Variants in GAB3 observed in about 807,000 individuals in gnomAD.
GAB3 encodes GRB2 associated binding protein 3, also known as GRB2-associated-binding protein 3.
GAB3 carries 12 observed loss-of-function variants against 40.4 expected under a neutral mutation model. The ratio of observed to expected loss-of-function variants is 0.30; its 90% CI spans 0.19 to 0.48. The LOEUF (loss-of-function observed/expected upper bound fraction) is 0.48. GAB3 is among the 20% of genes least tolerant of loss of function. The pLI, the probability that GAB3 is intolerant of heterozygous loss-of-function variation, is 0.99. For synonymous variants in GAB3, 154 were observed against 176.7 expected, an observed-to-expected ratio of 0.87 and a Z score of 1.02; for missense variants, 381 against 461.9, an observed-to-expected ratio of 0.82 and a Z score of 1.61.
At chrX:154,688,292 T>C (rs1557248364) in intron 8 of GAB3, among the ~76,000 whole-genome samples, 1 of 109,247 alleles carries the variant, frequency 9.2e-6, no homozygotes, top group Non-Finnish European at 1.9e-5. Flanking sequence ...TTTGTTTTTT[T>C]TTTTTGAGAC....
Position 154,676,467 on chromosome X carries a change from G to A in GAB3, c.*1711C>T, listed in dbSNP as rs2070298730. On this transcript the variant is annotated 3_prime_UTR_variant, in exon 10 of 10. Coordinates refer to ENST00000424127, the MANE Select transcript of GAB3 (RefSeq NM_001081573.3). ...ATGCAGAGCTGGCTGTGGGGCTTAG[G>A]GAGTGGGGAGCCCTCTCCTTGCTCT... 9.0e-6 allele frequency: 1 copy of A among 111,284 alleles called. No homozygotes were observed. The highest frequency in any genetic ancestry group is 3.8e-4 in the South Asian group (1 of 2,622). The allele number at this position is 111,284 out of a possible 1,213,427, so 9.2% of individuals were successfully genotyped here.
At position 154,705,488 on chromosome X, in the gene GAB3, T is replaced by C. The variant is rs2070794489; in HGVS notation, c.1070-5429A>G. ...TCAACAGAATCAAGGATAAAAACCA[T>C]ATGATCATCTCAATAGATGCATAAA... is the stretch of plus-strand genomic sequence containing the variant. On this transcript the variant is annotated intron_variant, in intron 4 of 9. Transcript: ENST00000424127. Among the ~76,000 whole-genome samples, 3 of 111,506 alleles carry C rather than the reference T, an allele frequency of 2.7e-5. 1 individual carries two copies. In the Admixed American group the frequency reaches 2.8e-4, roughly 11 times the overall value.
chrX:154,691,157 C>G (rs1197161490), intron 8 of GAB3, among the ~76,000 whole-genome samples: 1 of 106,679 alleles, frequency 9.4e-6, no homozygotes, highest in Non-Finnish European at 1.9e-5. Context: ...TCTCAGTAAA[C>G]TATCGCAAGG....
At chrX:154,747,000 T>G (rs1271938188) in intron 1 of GAB3, among the ~76,000 whole-genome samples, 1 of 112,257 alleles carries the variant, frequency 8.9e-6, no homozygotes, top group Non-Finnish European at 1.9e-5. Context: ...TAGATCTACA[T>G]GGATATGGTA....
intron 1 of GAB3, among the ~76,000 whole-genome samples, chrX:154,746,052 C>CAAA (rs201582710): frequency 3.2e-5 from 1 of 31,519 alleles, no homozygotes; most frequent in Non-Finnish European, 6.1e-5. Flanking sequence ...AACTCCATCT[C>CAAA]AAAAAAAAAA....
intron 4 of GAB3, among the ~76,000 whole-genome samples, chrX:154,703,127 C>T (rs952201493): frequency 8.9e-6 from 1 of 112,115 alleles, no homozygotes; most frequent in Non-Finnish European, 1.9e-5. Context: ...AAATACCACT[C>T]AACCCAGCAG....
rs1557246517 is a variant in GAB3, at chrX:154,680,217, C to A, written c.1562G>T (p.Ser521Ile). 8.3e-7 allele frequency: 1 copy of A among 1,208,438 alleles called. No homozygotes were observed. Among genetic ancestry groups the A allele is most frequent in the South Asian group, 1.8e-5 (1 of 56,681 alleles). Reference sequence around the variant, plus strand: ...TTTCTTTGTCCACGTAAGGGCACCACTGCTCAGGGAACTGGCTGTTCGGTG... The same window carrying A: ...TTTCTTTGTCCACGTAAGGGCACCAATGCTCAGGGAACTGGCTGTTCGGTG... ...EEHRTASSLS[S>I]GALTWTKKFS... Residue 521 changes from serine (S) to isoleucine (I), a missense_variant, in exon 9 of 10, where the codon AGT becomes ATT. Ser to Ile is a moderately radical substitution (Grantham distance 142). Transcript: ENST00000424127.
intron 8 of GAB3, among the ~76,000 whole-genome samples, chrX:154,688,699 T>G (rs1211539643): frequency 8.9e-6 from 1 of 111,968 alleles, no homozygotes; most frequent in Non-Finnish European, 1.9e-5. Flanking sequence ...AAAGAAAATA[T>G]ATGGATGGCA....
At chrX:154,712,166 G>T in intron 4 of GAB3, 63 bp downstream of exon 4, 1 of 849,405 alleles carries the variant, frequency 1.2e-6, no homozygotes, top group Non-Finnish European at 1.7e-6. Context: ...CCTCACATGG[G>T]CACAAAGAGT....
intron 5 of GAB3, 23 bp from the exon 6 acceptor site, chrX:154,699,536 T>C (rs2070709750): frequency 8.5e-7 from 1 of 1,171,525 alleles, no homozygotes; most frequent in Non-Finnish European, 1.2e-6. Context: ...AGATACAGAT[T>C]GGGAACCACA....
intron 1 of GAB3, among the ~76,000 whole-genome samples, chrX:154,720,564 C>T (rs1485320001): frequency 3.0e-5 from 3 of 101,091 alleles, no homozygotes; most frequent in Admixed American, 1.1e-4. Flanking sequence ...GGGGCGGAGC[C>T]TGCAGTGAGC....
At chrX:154,723,159 C>T (rs934507300) in intron 1 of GAB3, among the ~76,000 whole-genome samples, 25 of 112,070 alleles carry the variant, frequency 2.2e-4, no homozygotes, top group Admixed American at 2.0e-3. Flanking sequence ...GGATTACAGG[C>T]GTGAACCACC....
intron 1 of GAB3, among the ~76,000 whole-genome samples, chrX:154,746,299 C>T (rs1305241312): frequency 1.8e-5 from 2 of 111,299 alleles, no homozygotes; most frequent in Middle Eastern, 4.2e-3. Context: ...AACTGCAGAC[C>T]GATATCCCTC....
intron 8 of GAB3, among the ~76,000 whole-genome samples, chrX:154,694,027 C>G (rs1260951624): frequency 9.1e-6 from 1 of 110,178 alleles, no homozygotes; most frequent in Non-Finnish European, 1.9e-5. Flanking sequence ...AGAACTTGCC[C>G]TTAAAGAGAA....
At chrX:154,721,915 C>T (rs2071138591) in intron 1 of GAB3, among the ~76,000 whole-genome samples, 1 of 111,435 alleles carries the variant, frequency 9.0e-6, no homozygotes, top group African/African-American at 3.3e-5. Context: ...ACCCAGCAGA[C>T]CCTCTTCTGA....
intron 1 of GAB3, among the ~76,000 whole-genome samples, chrX:154,733,813 C>A (rs190970474): frequency 4.4e-4 from 49 of 112,259 alleles, no homozygotes; most frequent in Admixed American, 1.1e-3. Context: ...ACCGTAAGCT[C>A]TTTACCTAAT....
chrX:154,717,509 G>A (rs1168620569), intron 1 of GAB3, among the ~76,000 whole-genome samples: 2 of 111,867 alleles, frequency 1.8e-5, no homozygotes, highest in African/African-American at 6.5e-5. Context: ...GAAGTCAGAT[G>A]AACAGGTAAA....
rs1440450801 is a variant in GAB3, at chrX:154,708,218, A to G, written c.1069+4011T>C. On this transcript the variant is annotated intron_variant, in intron 4 of 9. Transcript: ENST00000424127. ...CCTTTTCTTATACCATATACAAAAA[A>G]TTAACTTGAAATGGATTATAGACTT... Among the ~76,000 whole-genome samples the G allele has an allele frequency of 2.7e-5, 3 of 112,318 alleles. No individual in the cohort carries two copies. The Admixed American group carries it at 2.8e-4, about 11-fold the overall frequency.
At chrX:154,751,554 A>G, upstream of GAB3, 1 of 701,599 alleles carries the variant, frequency 1.4e-6, no homozygotes, top group Non-Finnish European at 1.7e-6. Context: ...GGACTTCCCT[A>G]TTCCACTTGA....
Sources: allele counts gnomAD v4.1 joint callset (sites outside exome capture counted in the v4.1 genomes callset), GRCh38; gene constraint gnomAD v4.1.1; transcripts MANE v1.5; gene names NCBI Gene and HGNC (gene_info 2026-07-23, HGNC 2026-07-21).